The following ENTHD1 variants were observed in gnomAD, a reference collection of about 807,000 sequenced individuals.
The protein encoded by ENTHD1 is ENTH domain-containing protein 1.
Under a neutral mutation model 39.1 loss-of-function variants are expected in ENTHD1, and 23 were observed. The ratio of observed to expected loss-of-function variants is 0.59; its 90% CI spans 0.42 to 0.83. The LOEUF (loss-of-function observed/expected upper bound fraction) is 0.83. Ranked by LOEUF, ENTHD1 falls within the 40% of genes least tolerant of loss-of-function variation. The pLI, the probability that ENTHD1 is intolerant of heterozygous loss-of-function variation, is 0.00. For synonymous variants in ENTHD1, 230 were observed against 258.2 expected (o/e 0.89, Z 1.05); for missense variants, 624 against 705.4 (o/e 0.88, Z 1.31).
At chr22:39,876,192 T>A (rs570770946) in intron 2 of ENTHD1, 1 of 1,420,678 alleles carries the variant, frequency 7.0e-7, no homozygotes, top group Non-Finnish European at 9.4e-7. Flanking sequence ...AAGCCTTCTG[T>A]ACTTGAAGTT....
At chr22:39,813,597 A>G (rs1467608542) in intron 5 of ENTHD1, among the ~76,000 whole-genome samples, 1 of 152,224 alleles carries the variant, frequency 6.6e-6, no homozygotes, top group African/African-American at 2.4e-5. Flanking sequence ...GAGAGCTGCA[A>G]AAACACACAT....
Position 39,876,140 on chromosome 22 carries a change from T to A in ENTHD1, c.349+11260A>T. The A allele has an allele frequency of 2.6e-6, 4 of 1,554,844 alleles. No individual in the cohort carries two copies. The South Asian group carries it at 5.0e-5, about 19-fold the overall frequency. On this transcript the variant is annotated intron_variant, in intron 2 of 6. Coordinates refer to ENST00000325157, the MANE Select transcript of ENTHD1 (RefSeq NM_152512.4). ...GAGACTTGGACTCAAGTCATAGGCT[T>A]CTTTCAGTCTTTATGTCACCTCAGG...
chr22:39,757,997 T>A (rs2146544492), intron 6 of ENTHD1, among the ~76,000 whole-genome samples: 1 of 152,322 alleles, frequency 6.6e-6, no homozygotes, highest in Admixed American at 6.5e-5. Context: ...CATGAGGAAC[T>A]GTGAGTCAAC....
At chr22:39,846,149 A>T (rs2065986418) in intron 3 of ENTHD1, among the ~76,000 whole-genome samples, 1 of 152,212 alleles carries the variant, frequency 6.6e-6, no homozygotes, top group South Asian at 2.1e-4. Context: ...AAAAATGGAT[A>T]AAAGATTTAA....
intron 6 of ENTHD1, among the ~76,000 whole-genome samples, chr22:39,746,412 AC>A (rs1263846200): frequency 1.3e-5 from 2 of 151,540 alleles, no homozygotes; most frequent in East Asian, 3.9e-4. Context: ...TCTTTGAAAA[AC>A]TTTTCCTTTC....
At chr22:39,782,916 G>C (rs1366474110) in intron 5 of ENTHD1, among the ~76,000 whole-genome samples, 1 of 152,162 alleles carries the variant, frequency 6.6e-6, no homozygotes, top group Non-Finnish European at 1.5e-5. Context: ...TATAGTATTG[G>C]AAGTCCTGGC....
chr22:39,841,866 G>A (rs902868127), intron 3 of ENTHD1, among the ~76,000 whole-genome samples: 57 of 152,164 alleles, frequency 3.7e-4, no homozygotes, highest in African/African-American at 1.3e-3. Flanking sequence ...ATTTTGCAGC[G>A]GCTGGTACTG....
At position 39,861,921 on chromosome 22, in the gene ENTHD1, G is replaced by A. The variant is rs780688878; in HGVS notation, c.436C>T (p.Arg146Trp). Reference sequence around the variant, plus strand: ...GAGTGGGAGGTACGCTGTCTAGTCCGACATGCCACTTCCCTCTCTTTACAC... The same window carrying A: ...GAGTGGGAGGTACGCTGTCTAGTCCAACATGCCACTTCCCTCTCTTTACAC... ...LLCKEREVAC[R>W]TRQRTSHSIL... The change falls in exon 3 of 7, where the codon CGG becomes TGG. Residue 146 changes from arginine (R) to tryptophan (W), a missense_variant. Physicochemically the swap from Arg to Trp is moderately radical, Grantham distance 101. Coordinates refer to ENST00000325157, the MANE Select transcript of ENTHD1 (RefSeq NM_152512.4). 5.6e-5 allele frequency: 89 copies of A among 1,599,194 alleles called. No individual in the cohort carries two copies. The highest frequency in any genetic ancestry group is 5.3e-5 in the African/African-American group (4 of 74,792).
chr22:39,844,829 A>G (rs1389724980), intron 3 of ENTHD1, among the ~76,000 whole-genome samples: 5 of 152,192 alleles, frequency 3.3e-5, no homozygotes, highest in African/African-American at 9.6e-5. Flanking sequence ...AGAGAAAAAA[A>G]TGGGTGTAAC....
Position 39,861,541 on chromosome 22 carries a change from A to AAAAT in ENTHD1, c.592+220_592+223dup, listed in dbSNP as rs60678079. ...GGAGACAGAGCAAGATTCCGTCTCA[A>AAAAT]AAATAAATAAATAAATAAATAAAGC... is the stretch of plus-strand genomic sequence containing the variant. On this transcript the variant is annotated intron_variant, in intron 3 of 6. Coordinates refer to ENST00000325157, the MANE Select transcript of ENTHD1 (RefSeq NM_152512.4). Among the ~76,000 whole-genome samples the AAAAT allele has an allele frequency of 7.5e-3, 1,147 of 152,192 alleles. 14 individuals carry two copies. Among genetic ancestry groups the AAAAT allele is most frequent in the African/African-American group, 0.026 (1,076 of 41,488 alleles).
At chr22:39,812,847 A>G (rs2065702428) in intron 5 of ENTHD1, among the ~76,000 whole-genome samples, 1 of 152,132 alleles carries the variant, frequency 6.6e-6, no homozygotes, top group Non-Finnish European at 1.5e-5. Context: ...CAGTGGCACA[A>G]TCTCGGCTCA....
intron 5 of ENTHD1, among the ~76,000 whole-genome samples, chr22:39,795,555 G>A (rs915595360): frequency 1.3e-5 from 2 of 151,222 alleles, no homozygotes; most frequent in African/African-American, 4.9e-5. Context: ...AGCCTCCCAA[G>A]TAGTTGGGAC....
At chr22:39,798,517 G>A (rs1241492122) in intron 5 of ENTHD1, among the ~76,000 whole-genome samples, 1 of 152,074 alleles carries the variant, frequency 6.6e-6, no homozygotes, top group Non-Finnish European at 1.5e-5. Flanking sequence ...AGCATCAGTG[G>A]TGTCTGTGAT....
intron 2 of ENTHD1, among the ~76,000 whole-genome samples, chr22:39,874,755 A>C (rs1288605760): frequency 6.6e-6 from 1 of 152,248 alleles, no homozygotes; most frequent in East Asian, 1.9e-4. Flanking sequence ...TTGTGGGCAA[A>C]AATCATATGA....
At chr22:39,826,947 A>C (rs1390671410) in intron 4 of ENTHD1, among the ~76,000 whole-genome samples, 2 of 151,800 alleles carry the variant, frequency 1.3e-5, no homozygotes, top group Non-Finnish European at 2.9e-5. Flanking sequence ...ATCTTGGCTC[A>C]AGCTGTCCTG....
intron 5 of ENTHD1, among the ~76,000 whole-genome samples, chr22:39,796,380 C>T (rs1302947351): frequency 6.6e-6 from 1 of 152,094 alleles, no homozygotes; most frequent in African/African-American, 2.4e-5. Context: ...TTAAACAACC[C>T]TCCTGCCTCA....
intron 2 of ENTHD1, among the ~76,000 whole-genome samples, chr22:39,883,155 T>C (rs550825264): frequency 1.2e-4 from 19 of 152,248 alleles, no homozygotes; most frequent in African/African-American, 4.3e-4. Flanking sequence ...TAATGTACCT[T>C]CCATAATCAA....
intron 2 of ENTHD1, among the ~76,000 whole-genome samples, chr22:39,881,951 C>A (rs968182460): frequency 2.0e-5 from 3 of 152,160 alleles, no homozygotes; most frequent in African/African-American, 7.2e-5. Flanking sequence ...CTTTTGTCTT[C>A]ATCTCTCTTG....
At chr22:39,754,039 T>G (rs766968931) in intron 6 of ENTHD1, among the ~76,000 whole-genome samples, 9 of 152,158 alleles carry the variant, frequency 5.9e-5, no homozygotes, top group Non-Finnish European at 1.3e-4. Flanking sequence ...TGCCATGTAT[T>G]CTGCCTTACC....
Sources: allele counts gnomAD v4.1 joint callset (sites outside exome capture counted in the v4.1 genomes callset), GRCh38; gene constraint gnomAD v4.1.1; transcripts MANE v1.5; gene names NCBI Gene and HGNC (gene_info 2026-07-23, HGNC 2026-07-21).